SHPRH: variants seen among roughly 807,000 people sequenced by gnomAD.
SHPRH encodes the protein E3 ubiquitin-protein ligase SHPRH.
Under a neutral mutation model 202.5 loss-of-function variants are expected in SHPRH, and 106 were observed. The observed-to-expected ratio is 0.52, with a 90% confidence interval of 0.45 to 0.62. SHPRH has a LOEUF of 0.62. Ranked by LOEUF, SHPRH falls within the 20% of genes least tolerant of loss-of-function variation. The pLI is 0.00. For synonymous variants in SHPRH, 729 were observed against 686.0 expected, an observed-to-expected ratio of 1.06 and a Z score of -0.98; for missense variants, 1,710 against 2,020.0, an observed-to-expected ratio of 0.85 and a Z score of 2.94.
chr6:145,925,343 C>T (rs1207630880), intron 16 of SHPRH, among the ~76,000 whole-genome samples: 2 of 145,346 alleles, frequency 1.4e-5, no homozygotes, highest in African/African-American at 5.2e-5. Context: ...GTTCTCACTA[C>T]ACACACACAC....
rs1788377697 is a variant in SHPRH at position 145,955,177 on chromosome 6, G to T, written c.146C>A (p.Thr49Asn). 6.2e-7 allele frequency: 1 copy of T among 1,613,756 alleles called. No individual in the cohort carries two copies. Among genetic ancestry groups the T allele is most frequent in the Non-Finnish European group, 8.5e-7 (1 of 1,179,948 alleles). ...TAGAATGATATAATGAGCAGAAGAG[G>T]TATCTGAACCTGGGCAGGGCTGCTC... Reference protein sequence around the residue: ...DDEQPCPGSDTSSAHYIILSD... With the variant: ...DDEQPCPGSDNSSAHYIILSD... The change falls in exon 2 of 30, where the codon ACC becomes AAC. Residue 49 changes from threonine (T) to asparagine (N), a missense_variant. By Grantham distance (65) the Thr-to-Asn change is moderately conservative. Around this residue, in one of 8 missense-constraint regions of SHPRH, gnomAD observed 459 missense variants for 426.5 expected, o/e 1.08. Coordinates refer to ENST00000275233, the MANE Select transcript of SHPRH (RefSeq NM_001042683.3).
At position 145,931,526 on chromosome 6, in the gene SHPRH, C is replaced by T. The variant is rs967018098; in HGVS notation, c.3112+1531G>A. On this transcript the variant is annotated intron_variant, in intron 14 of 29. Coordinates refer to ENST00000275233, the MANE Select transcript of SHPRH (RefSeq NM_001042683.3). ...TGCCACCACACCCAGCTAGTAGAGA[C>T]GGGGTTTCACCATGTTGGCCAGGAT... Among the ~76,000 whole-genome samples, 13 of 151,848 alleles carry T rather than the reference C, an allele frequency of 8.6e-5. No homozygotes were observed. In the South Asian group the frequency reaches 1.7e-3, roughly 19 times the overall value.
intron 14 of SHPRH, among the ~76,000 whole-genome samples, chr6:145,927,742 G>C (rs989269734): frequency 6.6e-6 from 1 of 151,796 alleles, no homozygotes; most frequent in Admixed American, 6.6e-5. Flanking sequence ...ATAGCGATCA[G>C]AAAAATATAG....
Position 145,923,735 on chromosome 6 carries a change from T to C in SHPRH, c.3453A>G (p.Glu1151=), listed in dbSNP as rs1291434827. 1.9e-6 allele frequency: 3 copies of C among 1,611,860 alleles called. No homozygotes were observed. Among genetic ancestry groups the C allele is most frequent in the Non-Finnish European group, 2.5e-6 (3 of 1,178,706 alleles). ...WWLNVIHRAI[E]FTIDEELVQR... ...GAACTAGCTCCTCATCAATAGTAAA[T>C]TCTATTGCTCTGTGGATCACATTTA... Residue 1151 remains glutamate (E), a synonymous_variant, in exon 18 of 30, where the codon GAA becomes GAG. Coordinates refer to ENST00000275233, the MANE Select transcript of SHPRH (RefSeq NM_001042683.3).
rs929168606 is a variant in SHPRH at position 145,886,218 on chromosome 6, T to G, written c.*473A>C. 7.1e-6 allele frequency: 3 copies of G among 423,666 alleles called. No individual in the cohort carries two copies. The highest frequency in any genetic ancestry group is 3.7e-5 in the Admixed American group (1 of 26,890). 26.2% of individuals were successfully genotyped at this position (423,666 alleles called of 1,614,324 possible). ...AGCCTACTCAAAAAATGGGTTAATA[T>G]AATTCACCATCTACTTAAAATATTA... On this transcript the variant is annotated 3_prime_UTR_variant, in exon 30 of 30. Transcript: ENST00000275233.
intron 14 of SHPRH, among the ~76,000 whole-genome samples, chr6:145,932,728 C>A (rs1374191024): frequency 2.6e-5 from 4 of 152,110 alleles, no homozygotes; most frequent in African/African-American, 9.7e-5. Context: ...TATTTCTAAT[C>A]ATTTTGACTG....
Position 145,943,450 on chromosome 6 carries a change from G to GGT in SHPRH, c.1929_1930dup (p.Pro644HisfsTer7). On this transcript the variant is annotated frameshift_variant, in exon 9 of 30. Transcript: ENST00000275233. LOFTEE classifies it high-confidence loss of function. Reference sequence around the variant, plus strand: ...AAAGGGACTCATGGTATTAGAAGGTGGTACATCACTATCAGCATGATTTAG... The same window carrying GGT: ...AAAGGGACTCATGGTATTAGAAGGTGGTGTACATCACTATCAGCATGATTTAG... 1 of 1,613,926 alleles carries GGT rather than the reference G, an allele frequency of 6.2e-7. No homozygotes were observed. The highest frequency in any genetic ancestry group is 1.1e-5 in the South Asian group (1 of 91,074).
Position 145,886,601 on chromosome 6 carries a change from A to G in SHPRH, c.*90T>C. ...TTCAACTAGGAACAGTGTTACTGTT[A>G]TCTACTGGGTTTTTAAAACTTGTAA... On this transcript the variant is annotated 3_prime_UTR_variant, in exon 30 of 30. Transcript: ENST00000275233. The G allele has an allele frequency of 6.4e-7, 1 of 1,556,758 alleles. No individual in the cohort carries two copies. The highest frequency in any genetic ancestry group is 1.4e-5 in the African/African-American group (1 of 73,296).
downstream of SHPRH, among the ~76,000 whole-genome samples, chr6:145,859,326 G>A (rs1487452146): frequency 6.6e-6 from 1 of 151,912 alleles, no homozygotes. Flanking sequence ...TTTAGAAAGT[G>A]TTAAACTGTT....
chr6:145,946,148 A>C, intron 7 of SHPRH, 85 bp downstream of exon 7: 1 of 947,548 alleles, frequency 1.1e-6, no homozygotes, highest in Non-Finnish European at 1.5e-6. Flanking sequence ...TGTTTATAAC[A>C]ATTACAAGAT....
intron 22 of SHPRH, 95 bp from the exon 23 acceptor site, chr6:145,918,327 G>GT: frequency 1.4e-6 from 1 of 739,830 alleles, no homozygotes; most frequent in Non-Finnish European, 1.9e-6. Context: ...CAAATGTATT[G>GT]TTTTTAAAAA....
At chr6:145,893,441 A>C (rs767942300) in intron 27 of SHPRH, 48 bp from the exon 28 acceptor site, 5 of 1,507,740 alleles carry the variant, frequency 3.3e-6, no homozygotes, top group Non-Finnish European at 4.4e-6. Context: ...AGTTAAAATA[A>C]GAGCAGTATG....
intron 8 of SHPRH, 48 bp from the exon 9 acceptor site, chr6:145,943,850 GAAATT>G: frequency 1.4e-6 from 2 of 1,464,910 alleles, no homozygotes; most frequent in South Asian, 2.8e-5. Context: ...TTGCATTTCT[GAAATT>G]AAACTCCTGA....
chr6:145,906,478 A>G (rs1583351733), intron 25 of SHPRH: 1 of 152,056 alleles, frequency 6.6e-6, no homozygotes, highest in East Asian at 1.9e-4. Context: ...CCCAATTTAT[A>G]CCTGTTATTT....
At chr6:145,947,144 A>C (rs1037187034) in intron 6 of SHPRH, among the ~76,000 whole-genome samples, 2 of 152,058 alleles carry the variant, frequency 1.3e-5, no homozygotes, top group Non-Finnish European at 2.9e-5. Flanking sequence ...AACATTTTTA[A>C]ATAGCTCTTA....
intron 2 of SHPRH, among the ~76,000 whole-genome samples, chr6:145,868,176 C>A (rs979142465): frequency 6.6e-6 from 1 of 152,184 alleles, no homozygotes; most frequent in Non-Finnish European, 1.5e-5. Flanking sequence ...GTGTCCAAAG[C>A]TCCTCTTCTT....
chr6:145,901,164 C>T (rs1583335764), intron 25 of SHPRH, among the ~76,000 whole-genome samples: 1 of 151,986 alleles, frequency 6.6e-6, no homozygotes, highest in African/African-American at 2.4e-5. Context: ...TGAAAAAATA[C>T]ACTCCCTTGT....
At chr6:145,926,157 G>T in intron 16 of SHPRH, 47 bp downstream of exon 16, 1 of 1,517,218 alleles carries the variant, frequency 6.6e-7, no homozygotes, top group Non-Finnish European at 9.1e-7. Context: ...GGAGCATAAA[G>T]TTTGAAGAAA....
At chr6:145,941,599 A>G (rs759449009) in intron 10 of SHPRH, 24 bp downstream of exon 10, 2 of 1,611,026 alleles carry the variant, frequency 1.2e-6, no homozygotes, top group African/African-American at 1.3e-5. Flanking sequence ...CCCAGCCCTC[A>G]AAAGATTTTG....
Sources: gnomAD v4.1 joint callset for allele counts (sites outside exome capture counted in the v4.1 genomes callset) on GRCh38, gnomAD v4.1.1 for gene constraint, gnomAD v4.1.1 regional missense constraint, MANE v1.5 for transcripts, NCBI Gene and HGNC (gene_info 2026-07-23, HGNC 2026-07-21) for gene names.